Variants in IFNGR2 observed in about 807,000 individuals in gnomAD.
IFNGR2 encodes the protein IFN-gamma receptor 2.
Under a neutral mutation model 41.1 loss-of-function variants are expected in IFNGR2, and 15 were observed. The observed-to-expected ratio is 0.37, with a 90% confidence interval of 0.24 to 0.56. The LOEUF (loss-of-function observed/expected upper bound fraction) is 0.56. Among genes scored for constraint, IFNGR2 ranks in the 20% least tolerant of loss-of-function variants. The probability of loss-of-function intolerance (pLI) is 0.81; values close to 1 mark genes in which losing one functional copy is unlikely to be tolerated. For missense variants in IFNGR2, 362 were observed against 415.7 expected (o/e 0.87, Z 1.12); for synonymous variants, 161 against 171.6 (o/e 0.94, Z 0.48).
chr21:33,427,004 A>G lies in IFNGR2; in HGVS notation c.533A>G (p.His178Arg), dbSNP rs115346998. ...ACGGCCTTTTTTTGTTATTATGTCC[A>G]TTACTGGGAAAAAGGAGGAATCCAA... ...TSTAFFCYYV[H>R]YWEKGGIQQV... The change falls in exon 4 of 7, where the codon CAT becomes CGT. Residue 178 changes from histidine to arginine, a missense_variant. Transcript: ENST00000290219. 72 of 1,613,234 alleles carry G rather than the reference A, an allele frequency of 4.5e-5. No individual in the cohort carries two copies. In the East Asian group the frequency reaches 1.4e-3, roughly 30 times the overall value.
At chr21:33,403,690 T>C in intron 1 of IFNGR2, 74 bp downstream of exon 1, 2 of 797,700 alleles carry the variant, frequency 2.5e-6, no homozygotes, top group Non-Finnish European at 3.3e-6. Context: ...GACTCCCGGA[T>C]CGTGGGGTGG....
intron 4 of IFNGR2, among the ~76,000 whole-genome samples, chr21:33,428,098 C>T (rs749394925): frequency 1.5e-4 from 23 of 152,006 alleles, no homozygotes; most frequent in Non-Finnish European, 2.4e-4. Context: ...TGCCTCAGGT[C>T]AGCAGCGAAT....
chr21:33,429,793 A>T (rs2083870524), intron 4 of IFNGR2, among the ~76,000 whole-genome samples: 1 of 152,234 alleles, frequency 6.6e-6, no homozygotes, highest in Non-Finnish European at 1.5e-5. Context: ...CAAACAGTGT[A>T]GGGACGGTAA....
At chr21:33,407,836 TCCCCACCGCACCCCCCCCCGCCAACCC>T (rs2083687774) in intron 1 of IFNGR2, among the ~76,000 whole-genome samples, 1 of 116,516 alleles carries the variant, frequency 8.6e-6, no homozygotes, top group Non-Finnish European at 1.8e-5. Flanking sequence ...CCTCAAGTGA[TCCCCACCGCACCCCCCCCCGCCAACCC>T]CCGCCAGCCT....
At chr21:33,408,561 T>C (rs1407059331) in intron 1 of IFNGR2, among the ~76,000 whole-genome samples, 1 of 152,042 alleles carries the variant, frequency 6.6e-6, no homozygotes, top group Admixed American at 6.6e-5. Flanking sequence ...ATCAAAGGTG[T>C]TGGGATGGGT....
chr21:33,419,763 A>AGTCTCGTCTCCTGTCTCCCATGGC, intron 2 of IFNGR2, among the ~76,000 whole-genome samples: 1 of 152,072 alleles, frequency 6.6e-6, no homozygotes, highest in Non-Finnish European at 1.5e-5. Flanking sequence ...AAGGGGATGG[A>AGTCTCGTCTCCTGTCTCCCATGGC]CTTACTTAAT....
intron 1 of IFNGR2, chr21:33,410,800 A>G: frequency 7.1e-7 from 1 of 1,404,398 alleles, no homozygotes; most frequent in Non-Finnish European, 9.9e-7. Flanking sequence ...TTGTATTTTT[A>G]AAATTCATAA....
intron 2 of IFNGR2, among the ~76,000 whole-genome samples, chr21:33,419,442 G>A (rs973460575): frequency 6.7e-6 from 1 of 148,464 alleles, no homozygotes; most frequent in Admixed American, 7.0e-5. Context: ...TTCTAAATTC[G>A]TTCTCTTGTT....
chr21:33,404,822 A>G (rs2083665855), intron 1 of IFNGR2, among the ~76,000 whole-genome samples: 1 of 152,164 alleles, frequency 6.6e-6, no homozygotes, highest in Non-Finnish European at 1.5e-5. Context: ...CACGCTTATG[A>G]GCCAAACATA....
In IFNGR2 at chr21:33,437,041, C is replaced by G; in HGVS notation, c.*79C>G. On this transcript the variant is annotated 3_prime_UTR_variant, in exon 7 of 7. Transcript: ENST00000290219. ...GCTGCTAGAGTTCTGTCTGGACTTT[C>G]CAGAGACCAGTATTCCCTTTTGCTG... 1 of 1,479,522 alleles carries G rather than the reference C, an allele frequency of 6.8e-7. No homozygotes were observed. Among genetic ancestry groups the G allele is most frequent in the Admixed American group, 1.7e-5 (1 of 58,986 alleles). The allele number at this position is 1,479,522 out of a possible 1,614,324, so 91.6% of individuals were successfully genotyped here.
chr21:33,414,805 A>G (rs557142330), intron 1 of IFNGR2, 83 bp from the exon 2 acceptor site: 1 of 1,439,920 alleles, frequency 6.9e-7, no homozygotes, highest in East Asian at 2.5e-5. Context: ...AATGACTTAG[A>G]TAATGGACAT....
intron 1 of IFNGR2, among the ~76,000 whole-genome samples, chr21:33,408,328 CTG>C (rs1339461767): frequency 6.6e-6 from 1 of 152,040 alleles, no homozygotes; most frequent in Non-Finnish European, 1.5e-5. Context: ...TCCCAAGTAA[CTG>C]TGATTACAGT....
intron 3 of IFNGR2, among the ~76,000 whole-genome samples, chr21:33,425,489 T>C (rs2083828626): frequency 1.3e-5 from 2 of 152,214 alleles, no homozygotes; most frequent in Admixed American, 1.3e-4. Context: ...CACTCCCATG[T>C]GCTAATGGAG....
intron 1 of IFNGR2, among the ~76,000 whole-genome samples, chr21:33,409,118 A>G (rs996678793): frequency 6.6e-6 from 1 of 151,408 alleles, no homozygotes; most frequent in Non-Finnish European, 1.5e-5. Flanking sequence ...TGGAGGTTAC[A>G]GTGAGCCTAG....
rs1555882051 is a variant in IFNGR2, at chr21:33,433,801, T to TTA, written c.879+930_879+931insTA. Among the ~76,000 whole-genome samples, 186 of 151,848 alleles carry TTA rather than the reference T, an allele frequency of 1.2e-3. 4 individuals carry two copies. The East Asian group carries it at 0.023, about 19-fold the overall frequency. ...TTACCACAATTTAATTTTTTTTTTT[T>TTA]AATGGCATGGGGTTGGCTAAAAAGG... is the stretch of plus-strand genomic sequence containing the variant. On this transcript the variant is annotated intron_variant, in intron 6 of 6. Coordinates refer to ENST00000290219, the MANE Select transcript of IFNGR2 (RefSeq NM_005534.4).
In IFNGR2 at chr21:33,411,016, C is replaced by T. The variant is rs1433688950; in HGVS notation, c.74-3872C>T. 6 of 736,274 alleles carry T rather than the reference C, an allele frequency of 8.1e-6. No homozygotes were observed. The African/African-American group carries it at 1.1e-4, about 13-fold the overall frequency. The allele number at this position is 736,274 out of a possible 1,614,324, so 45.6% of individuals were successfully genotyped here. A position where few individuals can be genotyped will look rare whatever the true frequency, so the allele number is the denominator to read the frequency against. On this transcript the variant is annotated intron_variant, in intron 1 of 6. Coordinates refer to ENST00000290219, the MANE Select transcript of IFNGR2 (RefSeq NM_005534.4). The stretch of plus-strand genomic sequence containing the variant: ...GGCCATGTGGCCTGGAACACAGAGG[C>T]TGGGCTGCCCAAGGACAGGCCCCCT...
chr21:33,429,814 C>T (rs1196569296), intron 4 of IFNGR2, among the ~76,000 whole-genome samples: 1 of 152,044 alleles, frequency 6.6e-6, no homozygotes, highest in Non-Finnish European at 1.5e-5. Context: ...GCCACCTTAC[C>T]AGTTTGGGAA....
At chr21:33,418,782 G>T (rs1300760502) in intron 2 of IFNGR2, among the ~76,000 whole-genome samples, 1 of 151,744 alleles carries the variant, frequency 6.6e-6, no homozygotes, top group Non-Finnish European at 1.5e-5. Context: ...AAGAAATCTG[G>T]ACTTTTCACT....
chr21:33,412,589 T>C lies in IFNGR2; in HGVS notation c.74-2299T>C, dbSNP rs542996761. Among the ~76,000 whole-genome samples the C allele has an allele frequency of 9.2e-5, 14 of 152,338 alleles. No individual in the cohort carries two copies. The East Asian group carries it at 2.5e-3, about 27-fold the overall frequency. The stretch of plus-strand genomic sequence containing the variant: ...ATTTATTTTTGAGACGGAGTGCCGC[T>C]CTGTCGCCCAGGCTGGAGCGCAGTG... On this transcript the variant is annotated intron_variant, in intron 1 of 6. Coordinates refer to ENST00000290219, the MANE Select transcript of IFNGR2 (RefSeq NM_005534.4).
Sources: allele counts gnomAD v4.1 joint callset (sites outside exome capture counted in the v4.1 genomes callset), GRCh38; gene constraint gnomAD v4.1.1; transcripts MANE v1.5; gene names NCBI Gene and HGNC (gene_info 2026-07-23, HGNC 2026-07-21).